Variants in UFSP2 observed in about 807,000 individuals in gnomAD.
UFSP2 encodes UFM1 specific peptidase 2.
In UFSP2, 43 loss-of-function variants were observed where a neutral mutation model predicts 60.2. The observed-to-expected ratio is 0.71, with a 90% CI of 0.56 to 0.92. The LOEUF (loss-of-function observed/expected upper bound fraction) is 0.92. Ranked by LOEUF, UFSP2 falls within the 40% of genes least tolerant of loss-of-function variation. The pLI, the probability that UFSP2 is intolerant of heterozygous loss-of-function variation, is 0.00. For synonymous variants in UFSP2, 183 were observed against 195.1 expected (o/e 0.94, Z 0.52); for missense variants, 520 against 575.0 (o/e 0.90, Z 0.98).
chr4:185,422,831 A>G (rs751363856), intron 1 of UFSP2, among the ~76,000 whole-genome samples: 13 of 152,190 alleles, frequency 8.5e-5, no homozygotes, highest in Non-Finnish European at 1.6e-4. Context: ...AGAGATTCTG[A>G]TTAACTGGTC....
intron 6 of UFSP2, 82 bp from the exon 7 acceptor site, chr4:185,413,954 C>A: frequency 7.8e-7 from 1 of 1,288,358 alleles, no homozygotes; most frequent in Non-Finnish European, 1.0e-6. Flanking sequence ...TGTTATTAAA[C>A]ATGGAAAATT....
intron 10 of UFSP2, among the ~76,000 whole-genome samples, chr4:185,405,138 A>G (rs1433399579): frequency 1.3e-5 from 2 of 150,242 alleles, no homozygotes; most frequent in Non-Finnish European, 3.0e-5. Context: ...AGCTGGCACT[A>G]TAGGCTCACA....
At position 185,408,002 on chromosome 4, in the gene UFSP2, C is replaced by T; in HGVS notation, c.1055G>A (p.Gly352Glu). 2 of 1,613,890 alleles carry T rather than the reference C, an allele frequency of 1.2e-6. No homozygotes were observed. The highest frequency in any genetic ancestry group is 1.7e-6 in the Non-Finnish European group (2 of 1,179,784). Residue 352 changes from glycine (G) to glutamate (E), a missense_variant, in exon 9 of 12, where the codon GGA (glycine) becomes GAA (glutamate). By Grantham distance (98) the Gly-to-Glu change is moderately conservative. Coordinates refer to ENST00000264689, the MANE Select transcript of UFSP2 (RefSeq NM_018359.5). ...ATFVGSRQWI[G>E]SIEVQLVLNQ... ...TAGTACCAGCTGCACCTCAATAGAT[C>T]CAATCCATTGCCGCGATCCGACAAA...
rs940891143 is a variant in UFSP2 at position 185,425,790 on chromosome 4, G to A, written c.3+76C>T. 3.9e-5 allele frequency: 61 copies of A among 1,563,950 alleles called. No homozygotes were observed. In the African/African-American group the frequency reaches 7.2e-4, roughly 18 times the overall value. On this transcript the variant is annotated intron_variant, in intron 1 of 11. Transcript: ENST00000264689. ...CCGGCAGGACCAGCTCCTTTCAGGC[G>A]CTGTGAAGCCCGCTCGTGGCGGCTG...
chr4:185,415,995 G>A, intron 4 of UFSP2, 128 bp from the exon 5 acceptor site: 1 of 680,622 alleles, frequency 1.5e-6, no homozygotes. Context: ...AAGTACAGTA[G>A]TGAAAAGGGG....
At position 185,417,678 on chromosome 4, in the gene UFSP2, C is replaced by T. The variant is rs191730598; in HGVS notation, c.333+763G>A. Among the ~76,000 whole-genome samples, 146 of 152,286 alleles carry T rather than the reference C, an allele frequency of 9.6e-4. 1 individual carries two copies. Among genetic ancestry groups the T allele is most frequent in the African/African-American group, 3.5e-3 (144 of 41,556 alleles). On this transcript the variant is annotated intron_variant, in intron 4 of 11. Coordinates refer to ENST00000264689, the MANE Select transcript of UFSP2 (RefSeq NM_018359.5). ...ACAACTTCGTGCCTTGAAGACGCAT[C>T]TCCATTTTCTATCTTCAATATCTGT...
chr4:185,421,696 G>T lies in UFSP2; in HGVS notation c.82+789C>A, dbSNP rs868851496. Among the ~76,000 whole-genome samples the T allele has an allele frequency of 2.6e-5, 4 of 152,248 alleles. No homozygotes were observed. In the South Asian group the frequency reaches 6.2e-4, roughly 24 times the overall value. ...TTCTTTATAAATGACCCAGTCTCAG[G>T]TATTCCTTTAGAAAGATGCAAAACA... On this transcript the variant is annotated intron_variant, in intron 2 of 11. Transcript: ENST00000264689.
intron 11 of UFSP2, among the ~76,000 whole-genome samples, chr4:185,402,017 C>T (rs74945761): frequency 0.012 from 1,821 of 152,296 alleles, 35 homozygotes; most frequent in African/African-American, 0.042. Context: ...TAGCTCTGGA[C>T]GCACTGATCT....
intron 7 of UFSP2, among the ~76,000 whole-genome samples, chr4:185,412,461 C>G (rs777738379): frequency 6.6e-6 from 1 of 152,082 alleles, no homozygotes; most frequent in Non-Finnish European, 1.5e-5. Flanking sequence ...AAGATTTCCT[C>G]AAAAGTCCTG....
In UFSP2 at chr4:185,415,719, G is replaced by T; in HGVS notation, c.482C>A (p.Thr161Lys). Reference sequence around the variant, plus strand: ...CTATAAAAATACTTACTTTCCCCATGTTTCTTCTGGAGCAACAGATATAAC... The same window carrying T: ...CTATAAAAATACTTACTTTCCCCATTTTTCTTCTGGAGCAACAGATATAAC... ...DAVISVAPEE[T>K]WGKVRKLLVD... The change falls in exon 5 of 12, where the codon ACA becomes AAA. Residue 161 changes from threonine (T) to lysine (K), a missense_variant. By Grantham distance (78) the Thr-to-Lys change is moderately conservative. Transcript: ENST00000264689. The T allele has an allele frequency of 6.2e-7, 1 of 1,608,178 alleles. No individual in the cohort carries two copies.
chr4:185,416,730 A>C (rs1171800997), intron 4 of UFSP2, among the ~76,000 whole-genome samples: 1 of 152,224 alleles, frequency 6.6e-6, no homozygotes, highest in Non-Finnish European at 1.5e-5. Flanking sequence ...GAAGTGCCCA[A>C]AATTACAATG....
At position 185,425,934 on chromosome 4, in the gene UFSP2, G is replaced by C; in HGVS notation, c.-66C>G. The C allele has an allele frequency of 6.4e-7, 1 of 1,558,504 alleles. No homozygotes were observed. Among genetic ancestry groups the C allele is most frequent in the Non-Finnish European group, 8.7e-7 (1 of 1,149,994 alleles). ...AAAAGTTCCGGGGGCCGGCCCTGAA[G>C]TGGTGTCACCGCACGGCCCAGGGGC... On this transcript the variant is annotated 5_prime_UTR_variant, in exon 1 of 12. Coordinates refer to ENST00000264689, the MANE Select transcript of UFSP2 (RefSeq NM_018359.5).
At chr4:185,400,895 C>T (rs149802612) in intron 11 of UFSP2, among the ~76,000 whole-genome samples, 2 of 152,348 alleles carry the variant, frequency 1.3e-5, no homozygotes, top group East Asian at 3.9e-4. Context: ...TGAGAAACCT[C>T]AGCTTGCCCC....
intron 2 of UFSP2, among the ~76,000 whole-genome samples, chr4:185,419,088 C>T (rs865786934): frequency 6.6e-6 from 1 of 152,070 alleles, no homozygotes; most frequent in Non-Finnish European, 1.5e-5. Flanking sequence ...TTTCTCATTC[C>T]CCCTACTTTT....
chr4:185,403,991 C>G (rs199549837), intron 10 of UFSP2, among the ~76,000 whole-genome samples: 1 of 89,958 alleles, frequency 1.1e-5, no homozygotes, highest in African/African-American at 3.2e-5. Flanking sequence ...AAAAAAACAA[C>G]ATTACTTTGC....
rs1174259019 is a variant in UFSP2 at position 185,413,834 on chromosome 4, G to T, written c.723C>A (p.Pro241=). The T allele has an allele frequency of 4.3e-6, 7 of 1,612,762 alleles. No individual in the cohort carries two copies. The African/African-American group carries it at 9.4e-5, about 22-fold the overall frequency. Residue 241 remains proline, a synonymous_variant, in exon 7 of 12, where the codon CCC becomes CCA. Coordinates refer to ENST00000264689, the MANE Select transcript of UFSP2 (RefSeq NM_018359.5). ...HDLFNLPHDR[P]YFKRSNAYHF... ...GATAAGCATTAGACCTTTTGAAATAGGGTCTGTCGTGAGGCAGATTGAAAA... is the reference window on the plus strand; with the variant it reads ...GATAAGCATTAGACCTTTTGAAATATGGTCTGTCGTGAGGCAGATTGAAAA...
At chr4:185,411,542 A>C (rs2153283695) in intron 7 of UFSP2, among the ~76,000 whole-genome samples, 1 of 152,340 alleles carries the variant, frequency 6.6e-6, no homozygotes, top group East Asian at 1.9e-4. Flanking sequence ...GGGGAATAAA[A>C]AATAATGAGT....
At position 185,403,485 on chromosome 4, in the gene UFSP2, GAT is replaced by G; in HGVS notation, c.1323+7_1323+8del. Reference sequence around the variant, plus strand: ...CTTTTGTCTCAATTTGTGTTAAATGGATACTTACCTTTTCCAAAATAACTTGC... The same window carrying G: ...CTTTTGTCTCAATTTGTGTTAAATGGACTTACCTTTTCCAAAATAACTTGC... On this transcript the variant is annotated splice_region_variant and intron_variant, in intron 11 of 11. Transcript: ENST00000264689. 6.2e-7 allele frequency: 1 copy of G among 1,610,324 alleles called. No individual in the cohort carries two copies. Among genetic ancestry groups the G allele is most frequent in the African/African-American group, 1.3e-5 (1 of 74,738 alleles).
intron 10 of UFSP2, 31 bp from the exon 11 acceptor site, chr4:185,403,649 A>C: frequency 6.3e-7 from 1 of 1,598,256 alleles, no homozygotes; most frequent in South Asian, 1.1e-5. Flanking sequence ...AATACGAATG[A>C]AGGCATAAAC....
Sources: allele counts gnomAD v4.1 joint callset (sites outside exome capture counted in the v4.1 genomes callset), GRCh38; gene constraint gnomAD v4.1.1; transcripts MANE v1.5; gene names NCBI Gene and HGNC (gene_info 2026-07-23, HGNC 2026-07-21).